The following NME1 variants were observed in gnomAD, a reference collection of about 807,000 sequenced individuals.
NME1 encodes NME/NM23 nucleoside diphosphate kinase 1.
NME1 carries 9 observed loss-of-function variants against 17.2 expected under a neutral mutation model. That is an observed-to-expected ratio of 0.52 (90% confidence interval 0.32 to 0.92). The LOEUF (loss-of-function observed/expected upper bound fraction) is 0.92, where lower values mean the gene tolerates loss of function less well. Ranked by LOEUF, NME1 falls within the 40% of genes least tolerant of loss-of-function variation. The pLI is 0.04. For missense variants in NME1, 169 were observed against 201.7 expected, an observed-to-expected ratio of 0.84 and a Z score of 0.98; for synonymous variants, 72 against 70.8, an observed-to-expected ratio of 1.02 and a Z score of -0.09.
At chr17:51,156,924 A>C (rs1598236820) in intron 2 of NME1, among the ~76,000 whole-genome samples, 1 of 150,970 alleles carries the variant, frequency 6.6e-6, no homozygotes, top group East Asian at 1.9e-4. Context: ...TTGCTTTTGA[A>C]CCCAGGAGGC....
intron 3 of NME1, chr17:51,160,566 T>C: frequency 3.5e-6 from 1 of 283,154 alleles, no homozygotes; most frequent in Non-Finnish European, 6.9e-6. Flanking sequence ...ACCATATACT[T>C]CCTGAGTGCT....
Position 51,160,008 on chromosome 17 carries a change from A to G in NME1, c.155A>G (p.Tyr52Cys), listed in dbSNP as rs753164382. Reference sequence around the variant, plus strand: ...TCCGAAGATCTTCTCAAGGAACACTACGTTGACCTGAAGGACCGTCCATTC... The same window carrying G: ...TCCGAAGATCTTCTCAAGGAACACTGCGTTGACCTGAAGGACCGTCCATTC... The part of the protein sequence containing the change: ...QASEDLLKEH[Y>C]VDLKDRPFFA... Residue 52 changes from tyrosine to cysteine, a missense_variant, in exon 3 of 5, where the codon TAC (tyrosine) becomes TGC (cysteine). Physicochemically the swap from Tyr to Cys is radical, Grantham distance 194. Coordinates refer to ENST00000393196, the MANE Select transcript of NME1 (RefSeq NM_000269.3). 4 of 1,614,190 alleles carry G rather than the reference A, an allele frequency of 2.5e-6. No homozygotes were observed. The highest frequency in any genetic ancestry group is 3.4e-6 in the Non-Finnish European group (4 of 1,180,030).
intron 2 of NME1, among the ~76,000 whole-genome samples, chr17:51,157,707 A>G (rs2049807245): frequency 2.6e-5 from 4 of 152,148 alleles, no homozygotes. Context: ...TGAGCAACCT[A>G]AGGCTTGGAG....
chr17:51,160,099 G>A lies in NME1; in HGVS notation c.228+18G>A, dbSNP rs763035905. The stretch of plus-strand genomic sequence containing the variant: ...TTGCCATGGTGAGTGTGCCTGTGTG[G>A]GATACTCCAAGTATGCATTGCTTGT... On this transcript the variant is annotated intron_variant, in intron 3 of 4. Coordinates refer to ENST00000393196, the MANE Select transcript of NME1 (RefSeq NM_000269.3). 2.5e-6 allele frequency: 4 copies of A among 1,613,450 alleles called. No individual in the cohort carries two copies. Among genetic ancestry groups the A allele is most frequent in the South Asian group, 1.1e-5 (1 of 91,080 alleles).
intron 3 of NME1, 109 bp downstream of exon 3, chr17:51,160,190 G>C (rs554208558): frequency 1.5e-4 from 180 of 1,162,062 alleles, no homozygotes; most frequent in Non-Finnish European, 2.2e-4. Flanking sequence ...ATAGATACCT[G>C]TTTTCATATA....
rs1010216111 is a variant in NME1 at position 51,160,064 on chromosome 17, G to C, written c.211G>C (p.Gly71Arg). 1 of 1,614,156 alleles carries C rather than the reference G, an allele frequency of 6.2e-7. No homozygotes were observed. The highest frequency in any genetic ancestry group is 8.5e-7 in the Non-Finnish European group (1 of 1,180,026). ...CGGCCTGGTGAAATACATGCACTCA[G>C]GGCCGGTAGTTGCCATGGTGAGTGT... ...FAGLVKYMHS[G>R]PVVAMVWEGL... Residue 71 changes from glycine (G) to arginine (R), a missense_variant, in exon 3 of 5, where the codon GGG (glycine) becomes CGG (arginine). By Grantham distance (125) the Gly-to-Arg change is moderately radical. Transcript: ENST00000393196.
Position 51,162,127 on chromosome 17 carries a change from G to T in NME1, c.*282G>T. On this transcript the variant is annotated 3_prime_UTR_variant, in exon 5 of 5. Coordinates refer to ENST00000393196, the MANE Select transcript of NME1 (RefSeq NM_000269.3). ...TGAATAACCTGACCTAATAGAGAGT[G>T]TAAATACTATAAAAATGATTTATTT... 1 of 337,522 alleles carries T rather than the reference G, an allele frequency of 3.0e-6. No homozygotes were observed. Among genetic ancestry groups the T allele is most frequent in the Non-Finnish European group, 5.6e-6 (1 of 178,890 alleles). 20.9% of individuals were successfully genotyped at this position (337,522 alleles called of 1,614,324 possible).
rs2049870510 is a variant in NME1, at chr17:51,161,955, A to G, written c.*110A>G. 1.3e-6 allele frequency: 1 copy of G among 790,366 alleles called. No homozygotes were observed. 49.0% of individuals were successfully genotyped at this position (790,366 alleles called of 1,614,324 possible). On this transcript the variant is annotated 3_prime_UTR_variant, in exon 5 of 5. Transcript: ENST00000393196. ...TTACAGGAACTTCATCATAATTTGG[A>G]GGGAAGCTCTTGGAGCTGTGAGTTC...
chr17:51,154,159 CTTT>C (rs1191043162), intron 1 of NME1: 70 of 457,664 alleles, frequency 1.5e-4, no homozygotes, highest in Middle Eastern at 1.2e-3. Flanking sequence ...GTCTCTCTCT[CTTT>C]TTTTTTTTTT....
intron 3 of NME1, 91 bp from the exon 4 acceptor site, chr17:51,161,068 CT>C (rs2049857625): frequency 7.7e-7 from 1 of 1,296,030 alleles, no homozygotes; most frequent in Non-Finnish European, 1.1e-6. Context: ...CTTAAGGGGC[CT>C]TTTTATTTTT....
chr17:51,156,822 G>A (rs1182720687), intron 2 of NME1, among the ~76,000 whole-genome samples: 1 of 150,890 alleles, frequency 6.6e-6, no homozygotes, highest in African/African-American at 2.4e-5. Flanking sequence ...AACTGGGGAG[G>A]TGGAGGTTGC....
intron 3 of NME1, chr17:51,160,334 G>A (rs1389224165): frequency 1.1e-5 from 6 of 559,806 alleles, no homozygotes; most frequent in African/African-American, 5.6e-5. Flanking sequence ...AAGAAGCAGC[G>A]ATCTGAATGA....
At chr17:51,157,574 G>T (rs1370734075) in intron 2 of NME1, among the ~76,000 whole-genome samples, 1 of 152,174 alleles carries the variant, frequency 6.6e-6, no homozygotes, top group Non-Finnish European at 1.5e-5. Flanking sequence ...ACAGCAGAAG[G>T]TAACATGAGA....
intron 1 of NME1, chr17:51,154,401 G>T: frequency 1.2e-6 from 2 of 1,614,098 alleles, no homozygotes; most frequent in Non-Finnish European, 1.7e-6. Flanking sequence ...TTTAGGGATC[G>T]TCTTTCAAGG....
intron 1 of NME1, chr17:51,154,306 A>G: frequency 1.4e-6 from 2 of 1,468,040 alleles, no homozygotes; most frequent in South Asian, 2.3e-5. Flanking sequence ...ACAAACAGAA[A>G]ATTGGACTAC....
At chr17:51,160,994 G>T in intron 3 of NME1, 166 bp from the exon 4 acceptor site, 1 of 771,524 alleles carries the variant, frequency 1.3e-6, no homozygotes, top group South Asian at 1.5e-5. Context: ...AGGGAGATCA[G>T]GATCCTCAGT....
intron 2 of NME1, chr17:51,156,299 G>T: frequency 5.2e-6 from 1 of 193,710 alleles, no homozygotes; most frequent in East Asian, 1.3e-4. Flanking sequence ...GAGAGCAGAT[G>T]TACCTGCAAG....
chr17:51,158,013 C>G (rs2049811578), intron 2 of NME1, among the ~76,000 whole-genome samples: 1 of 152,170 alleles, frequency 6.6e-6, no homozygotes, highest in African/African-American at 2.4e-5. Context: ...GGCGTGGTGG[C>G]TCACACCTGT....
chr17:51,155,952 C>A, intron 2 of NME1, 172 bp downstream of exon 2: 1 of 992,576 alleles, frequency 1.0e-6, no homozygotes, highest in Non-Finnish European at 1.5e-6. Context: ...CATCTTGGAA[C>A]AAACCAAGTT....
Sources: gnomAD v4.1 joint callset for allele counts (sites outside exome capture counted in the v4.1 genomes callset) on GRCh38, gnomAD v4.1.1 for gene constraint, MANE v1.5 for transcripts, NCBI Gene and HGNC (gene_info 2026-07-23, HGNC 2026-07-21) for gene names.